NAALADL2: variants seen among roughly 807,000 people sequenced by gnomAD.
The protein encoded by NAALADL2 is inactive N-acetylated-alpha-linked acidic dipeptidase-like protein 2.
Under a neutral mutation model 87.2 loss-of-function variants are expected in NAALADL2, and 76 were observed. The observed-to-expected ratio is 0.87, with a 90% CI of 0.72 to 1.05. The LOEUF (loss-of-function observed/expected upper bound fraction) is 1.05. Among genes scored for constraint, NAALADL2 ranks in the 50% least tolerant of loss-of-function variants. NAALADL2 has a pLI of 0.00. For missense variants in NAALADL2, 1,089 were observed against 945.8 expected, an observed-to-expected ratio of 1.15 and a Z score of -1.99; for synonymous variants, 354 against 331.0, an observed-to-expected ratio of 1.07 and a Z score of -0.75.
At chr3:175,498,229 C>T (rs1729084193) in intron 9 of NAALADL2, among the ~76,000 whole-genome samples, 1 of 152,008 alleles carries the variant, frequency 6.6e-6, no homozygotes, top group Non-Finnish European at 1.5e-5. Context: ...AATCTAAAAG[C>T]TATTGACCTT....
chr3:174,589,125 A>T (rs988470208), intron 2 of NAALADL2, among the ~76,000 whole-genome samples: 7 of 152,080 alleles, frequency 4.6e-5, no homozygotes, highest in African/African-American at 1.4e-4. Flanking sequence ...TCGATCTCAG[A>T]CTACTGTGCT....
intron 13 of NAALADL2, among the ~76,000 whole-genome samples, chr3:175,796,830 GAATAT>G (rs1753554075): frequency 6.6e-6 from 1 of 152,062 alleles, no homozygotes; most frequent in African/African-American, 2.4e-5. Flanking sequence ...GCCCATTTAT[GAATAT>G]AAGAAGGAAC....
intron 5 of NAALADL2, among the ~76,000 whole-genome samples, chr3:175,407,934 A>T (rs1186682419): frequency 3.9e-5 from 6 of 152,178 alleles, no homozygotes; most frequent in African/African-American, 9.6e-5. Flanking sequence ...ATAAGATGAT[A>T]TTTTTGTAAT....
At chr3:175,195,317 G>A (rs564587142) in intron 2 of NAALADL2, among the ~76,000 whole-genome samples, 36 of 151,866 alleles carry the variant, frequency 2.4e-4, no homozygotes, top group African/African-American at 8.7e-4. Flanking sequence ...TCTAGTGGAA[G>A]AAGGGAGACA....
chr3:175,622,501 A>C (rs1726371033), intron 10 of NAALADL2, among the ~76,000 whole-genome samples: 1 of 152,038 alleles, frequency 6.6e-6, no homozygotes, highest in Non-Finnish European at 1.5e-5. Context: ...TCTGGAACTG[A>C]CTGTCAACCT....
chr3:175,060,752 A>G (rs563124393), intron 1 of NAALADL2, among the ~76,000 whole-genome samples: 101 of 152,314 alleles, frequency 6.6e-4, no homozygotes, highest in Non-Finnish European at 1.2e-3. Flanking sequence ...GTGAGTTTAT[A>G]AAGAAATTCT....
intron 10 of NAALADL2, among the ~76,000 whole-genome samples, chr3:175,594,202 A>G (rs1380490084): frequency 2.0e-5 from 3 of 151,964 alleles, no homozygotes; most frequent in Admixed American, 6.6e-5. Flanking sequence ...GTTTATATTC[A>G]TGTGTGCTCA....
At chr3:175,766,660 T>G (rs1474556218) in intron 13 of NAALADL2, among the ~76,000 whole-genome samples, 1 of 152,216 alleles carries the variant, frequency 6.6e-6, no homozygotes, top group Non-Finnish European at 1.5e-5. Context: ...TATTGTATTT[T>G]TATGTGTATA....
At chr3:175,299,403 T>C (rs57318365) in intron 4 of NAALADL2, among the ~76,000 whole-genome samples, 11,388 of 152,244 alleles carry the variant, frequency 0.075, 1,386 homozygotes, top group African/African-American at 0.26. Flanking sequence ...TTTCATGATA[T>C]TGATTCTTCT....
At chr3:174,742,949 C>T (rs553631475) in intron 3 of NAALADL2, among the ~76,000 whole-genome samples, 14 of 151,720 alleles carry the variant, frequency 9.2e-5, no homozygotes, top group Admixed American at 7.9e-4. Flanking sequence ...TTGCTCTGAA[C>T]TGCCTGCAGC....
intron 2 of NAALADL2, among the ~76,000 whole-genome samples, chr3:175,185,026 A>G (rs965876398): frequency 4.5e-4 from 69 of 152,186 alleles, no homozygotes; most frequent in African/African-American, 1.5e-3. Flanking sequence ...CAAATGAGAG[A>G]TAGCAAAATT....
chr3:174,655,313 T>C (rs1021995179), intron 2 of NAALADL2, among the ~76,000 whole-genome samples: 1 of 151,660 alleles, frequency 6.6e-6, no homozygotes, highest in East Asian at 1.9e-4. Context: ...AACCTCAATA[T>C]GTATCCTCTC....
At chr3:174,882,887 ATATG>A (rs1405203258) in intron 1 of NAALADL2, among the ~76,000 whole-genome samples, 1 of 149,820 alleles carries the variant, frequency 6.7e-6, no homozygotes, top group Non-Finnish European at 1.5e-5. Context: ...ATATGTGTAT[ATATG>A]TATATATATG....
intron 2 of NAALADL2, among the ~76,000 whole-genome samples, chr3:175,187,967 T>C (rs1737593989): frequency 6.6e-6 from 1 of 152,220 alleles, no homozygotes. Context: ...ACGTATTTTC[T>C]CTGGTTAATA....
At chr3:175,258,505 C>T (rs1225839705) in intron 4 of NAALADL2, among the ~76,000 whole-genome samples, 2 of 151,898 alleles carry the variant, frequency 1.3e-5, no homozygotes, top group Non-Finnish European at 2.9e-5. Flanking sequence ...GCTAGGATTC[C>T]ATGATAAAGA....
At chr3:175,667,095 A>G (rs573541821) in intron 11 of NAALADL2, among the ~76,000 whole-genome samples, 8 of 150,160 alleles carry the variant, frequency 5.3e-5, no homozygotes, top group East Asian at 1.9e-4. Flanking sequence ...GGCAAGAAAG[A>G]AAGGAAGGAA....
intron 4 of NAALADL2, among the ~76,000 whole-genome samples, chr3:175,263,447 A>G (rs62285939): frequency 0.097 from 14,762 of 151,912 alleles, 1,586 homozygotes; most frequent in African/African-American, 0.26. Flanking sequence ...AAAGTCTGTC[A>G]AGAATTGAAT....
intron 2 of NAALADL2, among the ~76,000 whole-genome samples, chr3:174,664,034 C>T (rs985655195): frequency 6.6e-6 from 1 of 152,092 alleles, no homozygotes; most frequent in Non-Finnish European, 1.5e-5. Context: ...GGTGACCCAC[C>T]AGCCTCGGCC....
chr3:175,795,130 G>T (rs186107474), intron 13 of NAALADL2, among the ~76,000 whole-genome samples: 1 of 152,254 alleles, frequency 6.6e-6, no homozygotes, highest in East Asian at 1.9e-4. Context: ...CATCCCACCT[G>T]CAGGGCCTAA....
Sources: gnomAD v4.1 joint callset for allele counts (sites outside exome capture counted in the v4.1 genomes callset) on GRCh38, gnomAD v4.1.1 for gene constraint, MANE v1.5 for transcripts, NCBI Gene and HGNC (gene_info 2026-07-23, HGNC 2026-07-21) for gene names.